ATR: variants seen among roughly 807,000 people sequenced by gnomAD.
ATR encodes ATR checkpoint kinase.
A neutral mutation model predicts 305.3 loss-of-function variants in ATR; 142 were observed. That is an observed-to-expected ratio of 0.47 (90% CI 0.41 to 0.53). The LOEUF (loss-of-function observed/expected upper bound fraction) is 0.53, where lower values mean the gene tolerates loss of function less well. ATR is among the 20% of genes least tolerant of loss of function. The probability of loss-of-function intolerance (pLI) is 0.00; values close to 1 mark genes in which losing one functional copy is unlikely to be tolerated. For missense variants in ATR, 2,135 were observed against 3,133.1 expected (o/e 0.68, Z 7.60); for synonymous variants, 1,050 against 1,068.1 (o/e 0.98, Z 0.33).
intron 46 of ATR, chr3:142,451,236 T>A (rs191219618): frequency 8.4e-7 from 1 of 1,193,518 alleles, no homozygotes; most frequent in East Asian, 5.7e-5. Flanking sequence ...CAGATGCAGG[T>A]GTGCAAGCTC....
intron 36 of ATR, among the ~76,000 whole-genome samples, chr3:142,482,356 A>T (rs1307516650): frequency 6.6e-6 from 1 of 152,214 alleles, no homozygotes; most frequent in Non-Finnish European, 1.5e-5. Flanking sequence ...CAGGTTTTAA[A>T]ATGTACTTAC....
intron 36 of ATR, among the ~76,000 whole-genome samples, chr3:142,472,904 T>G (rs1283867067): frequency 6.6e-6 from 1 of 152,162 alleles, no homozygotes; most frequent in Admixed American, 6.5e-5. Flanking sequence ...CCTCTCAAAG[T>G]GCTGGGATTA....
At position 142,470,139 on chromosome 3, in the gene ATR, C is replaced by A; in HGVS notation, c.6266G>T (p.Arg2089Leu). Reference protein sequence around the residue: ...GNQFIYQSMPRMLTLWLDYGT... With the variant: ...GNQFIYQSMPLMLTLWLDYGT... Reference sequence around the variant, plus strand: ...ATAATCAAGCCATAGAGTTAACATTCGTGGCATTGACTGATATATGAACTG... The same window carrying A: ...ATAATCAAGCCATAGAGTTAACATTAGTGGCATTGACTGATATATGAACTG... The change falls in exon 37 of 47, where the codon CGA (arginine) becomes CTA (leucine). Residue 2089 changes from arginine to leucine, a missense_variant. Coordinates refer to ENST00000350721, the MANE Select transcript of ATR (RefSeq NM_001184.4). 1 of 1,611,034 alleles carries A rather than the reference C, an allele frequency of 6.2e-7. No homozygotes were observed.
At chr3:142,498,879 T>A in intron 31 of ATR, 105 bp from the exon 32 acceptor site, 1 of 1,129,606 alleles carries the variant, frequency 8.9e-7, no homozygotes, top group Non-Finnish European at 1.3e-6. Context: ...ACAGGTGGCT[T>A]CATTCCTTTT....
At chr3:142,556,330 A>G in intron 9 of ATR, 53 bp downstream of exon 9, 1 of 1,567,156 alleles carries the variant, frequency 6.4e-7, no homozygotes, top group Non-Finnish European at 8.8e-7. Context: ...TAGCCAGACA[A>G]TTATGATCTT....
At chr3:142,552,307 TAAAAAGGAATA>T (rs2034500429) in intron 13 of ATR, among the ~76,000 whole-genome samples, 1 of 22,040 alleles carries the variant, frequency 4.5e-5, no homozygotes, top group African/African-American at 1.5e-3. Context: ...CAAAGGAATA[TAAAAAGGAATA>T]TAAATCATTC....
rs566328791 is a variant in ATR, at chr3:142,501,818, C to T, written c.5288+1544G>A. On this transcript the variant is annotated intron_variant, in intron 30 of 46. Transcript: ENST00000350721. ...GGAGTGCAGTGGTGCAATCTCAGCT[C>T]ACTGCAACCTCCATCTCCCAGGTTC... is the stretch of plus-strand genomic sequence containing the variant. Among the ~76,000 whole-genome samples, 9 of 152,278 alleles carry T rather than the reference C, an allele frequency of 5.9e-5. No homozygotes were observed. In the East Asian group the frequency reaches 1.5e-3, roughly 26 times the overall value.
In ATR at chr3:142,522,795, A is replaced by T. The variant is rs752256951; in HGVS notation, c.4199T>A (p.Leu1400Gln). 1 of 1,613,826 alleles carries T rather than the reference A, an allele frequency of 6.2e-7. No individual in the cohort carries two copies. The highest frequency in any genetic ancestry group is 8.5e-7 in the Non-Finnish European group (1 of 1,179,852). ...SSFAYGLLME[L>Q]TRAYLAYADN... is the part of the protein sequence containing the mutation. ...AGCATACGCAAGGTAAGCTCTTGTTAGCTCCATCAATAATCCATAGGCAAA... is the reference window on the plus strand; with the variant it reads ...AGCATACGCAAGGTAAGCTCTTGTTTGCTCCATCAATAATCCATAGGCAAA... Residue 1400 changes from leucine to glutamine, a missense_variant, in exon 23 of 47, where the codon CTA (leucine) becomes CAA (glutamine). Physicochemically the swap from Leu to Gln is moderately radical, Grantham distance 113. Around this residue, in one of 9 missense-constraint regions of ATR, gnomAD observed 530 missense variants for 766.8 expected, o/e 0.69. Transcript: ENST00000350721.
intron 5 of ATR, among the ~76,000 whole-genome samples, 189 bp from the exon 6 acceptor site, chr3:142,560,643 C>T (rs2034846255): frequency 1.3e-5 from 2 of 151,970 alleles, no homozygotes; most frequent in African/African-American, 4.8e-5. Context: ...TCACTGCAAG[C>T]TCCGCCTCCC....
chr3:142,543,767 T>A (rs960411686), intron 16 of ATR, among the ~76,000 whole-genome samples: 1 of 151,988 alleles, frequency 6.6e-6, no homozygotes, highest in African/African-American at 2.4e-5. Flanking sequence ...CCTCCTAGAC[T>A]CAAGCAATCC....
At chr3:142,563,828 T>C (rs2034968111) in intron 3 of ATR, among the ~76,000 whole-genome samples, 1 of 152,134 alleles carries the variant, frequency 6.6e-6, no homozygotes, top group Non-Finnish European at 1.5e-5. Flanking sequence ...AGAAAAAGTT[T>C]TTGGAGGAAA....
intron 41 of ATR, 120 bp downstream of exon 41, chr3:142,464,977 A>G: frequency 3.7e-6 from 2 of 535,068 alleles, no homozygotes; most frequent in East Asian, 4.0e-5. Flanking sequence ...TAAAATGCCT[A>G]TATCAGATTG....
chr3:142,487,379 C>T (rs112722072), intron 35 of ATR, among the ~76,000 whole-genome samples: 2,734 of 152,260 alleles, frequency 0.018, 30 homozygotes, highest in South Asian at 0.041. Context: ...TCAAGCAATC[C>T]GCCTGCCTCA....
At position 142,563,988 on chromosome 3, in the gene ATR, G is replaced by C. The variant is rs192059932; in HGVS notation, c.293-879C>G. ...GTAGGAAAAAAAGAAGATCAAACCA[G>C]CCACAACATTCCCTTAAGCCAAAGC... On this transcript the variant is annotated intron_variant, in intron 3 of 46. Transcript: ENST00000350721. Among the ~76,000 whole-genome samples, 201 of 152,272 alleles carry C rather than the reference G, an allele frequency of 1.3e-3. 4 individuals are homozygous for C. Among genetic ancestry groups the C allele is most frequent in the Non-Finnish European group, 2.5e-3 (170 of 68,026 alleles).
In ATR at chr3:142,553,934, G is replaced by A. The variant is rs1247295642; in HGVS notation, c.2423C>T (p.Thr808Ile). The A allele has an allele frequency of 6.2e-7, 1 of 1,611,690 alleles. No individual in the cohort carries two copies. Among genetic ancestry groups the A allele is most frequent in the Non-Finnish European group, 8.5e-7 (1 of 1,178,750 alleles). The change falls in exon 11 of 47, where the codon ACT (threonine) becomes ATT (isoleucine). Residue 808 changes from threonine to isoleucine, a missense_variant. Thr to Ile is a moderately conservative substitution (Grantham distance 89). Around this residue, in one of 9 missense-constraint regions of ATR, gnomAD observed 530 missense variants for 766.8 expected, o/e 0.69. Coordinates refer to ENST00000350721, the MANE Select transcript of ATR (RefSeq NM_001184.4). ...TGGATCTTCCATTAAATTTAATAAA[G>A]TTCCAAGAACTGCTTTTACATCTGT... Reference protein sequence around the residue: ...DETDVKAVLGTLLNLMEDPDK... With the variant: ...DETDVKAVLGILLNLMEDPDK...
intron 21 of ATR, among the ~76,000 whole-genome samples, chr3:142,530,752 G>A (rs1459981577): frequency 6.6e-6 from 1 of 152,022 alleles, no homozygotes; most frequent in Non-Finnish European, 1.5e-5. Context: ...CATAGTCTCT[G>A]AAGAGTGCCT....
chr3:142,487,223 A>G lies in ATR; in HGVS notation c.6079-1941T>C, dbSNP rs146921435. Among the ~76,000 whole-genome samples the G allele has an allele frequency of 1.9e-3, 289 of 152,016 alleles. 1 individual carries two copies. Among genetic ancestry groups the G allele is most frequent in the Non-Finnish European group, 2.9e-3 (196 of 67,958 alleles). On this transcript the variant is annotated intron_variant, in intron 35 of 46. Coordinates refer to ENST00000350721, the MANE Select transcript of ATR (RefSeq NM_001184.4). ...ATGCTCATGACTCCCTGCAGCCACA[A>G]CTCCTAGGCTCAAGGCAATCCTCCC...
intron 46 of ATR, chr3:142,451,310 T>G: frequency 8.0e-7 from 1 of 1,246,918 alleles, no homozygotes; most frequent in South Asian, 1.5e-5. Context: ...CAAGTTTGCC[T>G]GTCCTTATGG....
intron 21 of ATR, among the ~76,000 whole-genome samples, chr3:142,526,135 G>T (rs2033379451): frequency 6.6e-6 from 1 of 151,424 alleles, no homozygotes. Context: ...TTGTAAATGG[G>T]GTATTCCAAA....
Sources: gnomAD v4.1 joint callset for allele counts (sites outside exome capture counted in the v4.1 genomes callset) on GRCh38, gnomAD v4.1.1 for gene constraint, gnomAD v4.1.1 regional missense constraint, MANE v1.5 for transcripts, NCBI Gene and HGNC (gene_info 2026-07-23, HGNC 2026-07-21) for gene names.